Variants in FMNL1 observed in about 807,000 individuals in gnomAD.
FMNL1 encodes the protein formin-like protein 1.
A neutral mutation model predicts 121.3 loss-of-function variants in FMNL1; 43 were observed. The ratio of observed to expected loss-of-function variants is 0.35; its 90% confidence interval spans 0.28 to 0.46. FMNL1 has a LOEUF of 0.46. FMNL1 is among the 20% of genes least tolerant of loss of function. The pLI, the probability that FMNL1 is intolerant of heterozygous loss-of-function variation, is 1.00. For synonymous variants in FMNL1, 613 were observed against 613.5 expected (o/e 1.00, Z 0.01); for missense variants, 1,191 against 1,482.4 (o/e 0.80, Z 3.23).
chr17:45,222,106 C>G lies in FMNL1; in HGVS notation c.-19C>G, dbSNP rs1311636893. The G allele has an allele frequency of 1.7e-6, 2 of 1,149,356 alleles. No homozygotes were observed. Among genetic ancestry groups the G allele is most frequent in the African/African-American group, 3.3e-5 (2 of 61,044 alleles). 71.2% of individuals were successfully genotyped at this position (1,149,356 alleles called of 1,614,324 possible). On this transcript the variant is annotated 5_prime_UTR_variant, in exon 1 of 27. Coordinates refer to ENST00000331495, the MANE Select transcript of FMNL1 (RefSeq NM_005892.4). The stretch of plus-strand genomic sequence containing the variant: ...ATTTCCGAGGCTGGAGGCGCCTGGC[C>G]GGCTGGGTGGGGACCACCATGGGCA...
chr17:45,242,180 G>A (rs376475985), intron 15 of FMNL1, 34 bp downstream of exon 15: 756 of 1,526,404 alleles, frequency 5.0e-4, no homozygotes, highest in Non-Finnish European at 6.3e-4. Context: ...GCCCGGGGCT[G>A]GGGGGAGATG....
chr17:45,229,783 G>A (rs1157420563), intron 1 of FMNL1, among the ~76,000 whole-genome samples: 1 of 152,128 alleles, frequency 6.6e-6, no homozygotes, highest in East Asian at 1.9e-4. Context: ...TGTGGCCAGG[G>A]GAGGAGGACC....
intron 1 of FMNL1, among the ~76,000 whole-genome samples, chr17:45,226,154 A>G (rs2043324639): frequency 6.6e-6 from 1 of 152,194 alleles, no homozygotes; most frequent in Admixed American, 6.5e-5. Context: ...TATGCAGGTC[A>G]CCAGCAGTGG....
rs760997426 is a variant in FMNL1 at position 45,245,678 on chromosome 17, C to T, written c.2939C>T (p.Thr980Ile). Residue 980 changes from threonine to isoleucine, a missense_variant, in exon 23 of 27, where the codon ACC (threonine) becomes ATC (isoleucine). Physicochemically the swap from Thr to Ile is moderately conservative, Grantham distance 89. Coordinates refer to ENST00000331495, the MANE Select transcript of FMNL1 (RefSeq NM_005892.4). ...VVEYFGENPK[T>I]TSPGLFFSLF... ...GAGTACTTCGGAGAGAACCCCAAGACCACATCCCCAGGCCTGTTCTTCTCC... is the reference window on the plus strand; with the variant it reads ...GAGTACTTCGGAGAGAACCCCAAGATCACATCCCCAGGCCTGTTCTTCTCC... 1.9e-6 allele frequency: 3 copies of T among 1,614,144 alleles called. No homozygotes were observed. In the Admixed American group the frequency reaches 5.0e-5, roughly 27 times the overall value.
chr17:45,235,752 C>T lies in FMNL1; in HGVS notation c.615-384C>T, dbSNP rs115831881. Among the ~76,000 whole-genome samples, 855 of 152,238 alleles carry T rather than the reference C, an allele frequency of 5.6e-3. 13 individuals are homozygous for T. Among genetic ancestry groups the T allele is most frequent in the African/African-American group, 0.02 (828 of 41,526 alleles). Reference sequence around the variant, plus strand: ...GGATAGGGAGATTAAGTGACTTATCCAGTAAATGGTGAGCTGGGATGCGCC... The same window carrying T: ...GGATAGGGAGATTAAGTGACTTATCTAGTAAATGGTGAGCTGGGATGCGCC... On this transcript the variant is annotated intron_variant, in intron 6 of 26. Coordinates refer to ENST00000331495, the MANE Select transcript of FMNL1 (RefSeq NM_005892.4).
In FMNL1 at chr17:45,241,291, C is replaced by A; in HGVS notation, c.1332+61C>A. 6 of 1,610,388 alleles carry A rather than the reference C, an allele frequency of 3.7e-6. No homozygotes were observed. The highest frequency in any genetic ancestry group is 5.1e-6 in the Non-Finnish European group (6 of 1,178,226). ...GAACAGGCCAGCTGAGGCTTCTAGG[C>A]TTGACATCTCCCTCCACCCCGGGAA... On this transcript the variant is annotated intron_variant, in intron 13 of 26. Transcript: ENST00000331495. The surrounding 1 kb of genome is among the most constrained non-coding windows in gnomAD (Gnocchi z 7.0).
chr17:45,239,876 A>T (rs1216892549), intron 11 of FMNL1, among the ~76,000 whole-genome samples: 1 of 150,780 alleles, frequency 6.6e-6, no homozygotes, highest in Non-Finnish European at 1.5e-5. Flanking sequence ...GCTCACTGCA[A>T]CCTCTGCCTC....
Position 45,237,180 on chromosome 17 carries a change from G to T in FMNL1, c.724-101G>T. On this transcript the variant is annotated intron_variant, in intron 7 of 26. Coordinates refer to ENST00000331495, the MANE Select transcript of FMNL1 (RefSeq NM_005892.4). The surrounding 1 kb of genome is among the most constrained non-coding windows in gnomAD (Gnocchi z 4.4). Reference sequence around the variant, plus strand: ...CACAGAAGTTGCGGTTGGATACAAAGAACTTCCTAAACTCGAGGGCAGTTA... The same window carrying T: ...CACAGAAGTTGCGGTTGGATACAAATAACTTCCTAAACTCGAGGGCAGTTA... 9.2e-7 allele frequency: 1 copy of T among 1,081,134 alleles called. No individual in the cohort carries two copies. The highest frequency in any genetic ancestry group is 1.3e-5 in the South Asian group (1 of 75,490). The allele number at this position is 1,081,134 out of a possible 1,614,324, so 67.0% of individuals were successfully genotyped here.
chr17:45,243,828 C>G lies in FMNL1; in HGVS notation c.2251C>G (p.Leu751Val). Residue 751 changes from leucine (L) to valine (V), a missense_variant, in exon 18 of 27, where the codon CTG becomes GTG. Leu to Val is a conservative substitution (Grantham distance 32). Transcript: ENST00000331495. The part of the protein sequence containing the change: ...LQALGLDFLE[L>V]LMRFLPTEYE... ...GGCTCTGGGCCTGGACTTCCTGGAGCTGCTGATGCGCTTCCTGCCCACAGA... is the reference window on the plus strand; with the variant it reads ...GGCTCTGGGCCTGGACTTCCTGGAGGTGCTGATGCGCTTCCTGCCCACAGA... 1 of 1,613,266 alleles carries G rather than the reference C, an allele frequency of 6.2e-7. No homozygotes were observed. Among genetic ancestry groups the G allele is most frequent in the Non-Finnish European group, 8.5e-7 (1 of 1,179,544 alleles).
At chr17:45,242,594 A>G (rs963322799) in intron 16 of FMNL1, 129 bp downstream of exon 16, 1 of 1,398,494 alleles carries the variant, frequency 7.2e-7, no homozygotes. Context: ...AGGCCCAGGG[A>G]TGGGCATTAA....
In FMNL1 at chr17:45,243,260, T is replaced by G; in HGVS notation, c.2153T>G (p.Leu718Trp). ...TLIEANRAKN[L>W]AITLRKGNLG... ...ATTGAGGCCAACCGGGCCAAGAACT[T>G]GGCCATCACCCTGCGGAAGGGCAAC... Residue 718 changes from leucine to tryptophan, a missense_variant, in exon 17 of 27, where the codon TTG (leucine) becomes TGG (tryptophan). Leu to Trp is a moderately conservative substitution (Grantham distance 61). Coordinates refer to ENST00000331495, the MANE Select transcript of FMNL1 (RefSeq NM_005892.4). 1 of 1,614,058 alleles carries G rather than the reference T, an allele frequency of 6.2e-7. No homozygotes were observed. The highest frequency in any genetic ancestry group is 8.5e-7 in the Non-Finnish European group (1 of 1,179,986).
chr17:45,227,957 C>A (rs190025848), intron 1 of FMNL1, among the ~76,000 whole-genome samples: 292 of 152,256 alleles, frequency 1.9e-3, no homozygotes, highest in African/African-American at 6.5e-3. Flanking sequence ...TCCCTGCCCC[C>A]CTCAGGAGGC....
At position 45,236,181 on chromosome 17, in the gene FMNL1, C is replaced by T. The variant is rs751506418; in HGVS notation, c.660C>T (p.Ile220=). 3.7e-6 allele frequency: 6 copies of T among 1,613,856 alleles called. No individual in the cohort carries two copies. The highest frequency in any genetic ancestry group is 1.7e-5 in the Admixed American group (1 of 60,028). ...GGAAGGCCCTGCGGAATTCCCGCATCGTCAGCCAGAAGGACGACGTCCACG... is the reference window on the plus strand; with the variant it reads ...GGAAGGCCCTGCGGAATTCCCGCATTGTCAGCCAGAAGGACGACGTCCACG... The part of the protein sequence containing the change: ...HSRKALRNSR[I]VSQKDDVHVC... Residue 220 remains isoleucine (I), a synonymous_variant, in exon 7 of 27, where the codon ATC becomes ATT. Transcript: ENST00000331495.
Position 45,233,522 on chromosome 17 carries a change from C to G in FMNL1, c.402-126C>G. The G allele has an allele frequency of 8.7e-7, 1 of 1,145,474 alleles. No homozygotes were observed. Among genetic ancestry groups the G allele is most frequent in the South Asian group, 1.4e-5 (1 of 69,770 alleles). 71.0% of individuals were successfully genotyped at this position (1,145,474 alleles called of 1,614,324 possible). On this transcript the variant is annotated intron_variant, in intron 4 of 26. Coordinates refer to ENST00000331495, the MANE Select transcript of FMNL1 (RefSeq NM_005892.4). The surrounding 1 kb of genome is among the most constrained non-coding windows in gnomAD (Gnocchi z 4.1). ...GGGACCCACCTGAGTCTCCCAGAAT[C>G]CTTTGGTATCATTGGGTCTTTGGGG...
chr17:45,239,804 C>CTTTTT lies in FMNL1; in HGVS notation c.1081-667_1081-663dup, dbSNP rs113701881. Among the ~76,000 whole-genome samples, 5 of 146,910 alleles carry CTTTTT rather than the reference C, an allele frequency of 3.4e-5. 1 individual carries two copies. The highest frequency in any genetic ancestry group is 6.0e-5 in the Non-Finnish European group (4 of 67,144). ...CAAAAGGTCACGTACTCTATGATTG[C>CTTTTT]TTTTTTTTTGAGATGGAGTCTTGCT... On this transcript the variant is annotated intron_variant, in intron 11 of 26. Transcript: ENST00000331495.
rs369408882 is a variant in FMNL1, at chr17:45,237,516, C to T, written c.801-30C>T. On this transcript the variant is annotated intron_variant, in intron 8 of 26. Transcript: ENST00000331495. This position sits in a 1 kb window ranked among gnomAD's most constrained non-coding sequence, Gnocchi z 4.4. ...CCTTGCCGCGGGTCCTGCCTGTTCT[C>T]AAGGGACAACCTGCCCCTTCTCTCT... The T allele has an allele frequency of 1.0e-4, 166 of 1,613,550 alleles. No homozygotes were observed. In the African/African-American group the frequency reaches 2.0e-3, roughly 19 times the overall value.
Position 45,234,408 on chromosome 17 carries a change from T to G in FMNL1, c.614+208T>G, listed in dbSNP as rs1840529836. 4.0e-6 allele frequency: 3 copies of G among 742,550 alleles called. No individual in the cohort carries two copies. In the Admixed American group the frequency reaches 7.3e-5, roughly 18 times the overall value. The allele number at this position is 742,550 out of a possible 1,614,324, so 46.0% of individuals were successfully genotyped here. A position where few individuals can be genotyped will look rare whatever the true frequency, so the allele number is the denominator to read the frequency against. On this transcript the variant is annotated intron_variant, in intron 6 of 26. Transcript: ENST00000331495. The stretch of plus-strand genomic sequence containing the variant: ...GGCTGGGTGCTGTGGCTCATGCCTG[T>G]AATCCCAGCACTTTGGGAGACTGAG...
In FMNL1 at chr17:45,233,110, G is replaced by A; in HGVS notation, c.328-114G>A. Reference sequence around the variant, plus strand: ...GTGGTGGGGGAGGCTGAGCATGAAAGGCCACTTGTGCCAGTTGGAGGAGGG... The same window carrying A: ...GTGGTGGGGGAGGCTGAGCATGAAAAGCCACTTGTGCCAGTTGGAGGAGGG... On this transcript the variant is annotated intron_variant, in intron 3 of 26. Transcript: ENST00000331495. This position sits in a 1 kb window ranked among gnomAD's most constrained non-coding sequence, Gnocchi z 4.1. The A allele has an allele frequency of 9.8e-7, 1 of 1,018,822 alleles. No homozygotes were observed. Among genetic ancestry groups the A allele is most frequent in the South Asian group, 1.4e-5 (1 of 72,966 alleles). 63.1% of individuals were successfully genotyped at this position (1,018,822 alleles called of 1,614,324 possible).
rs1323122554 is a variant in FMNL1 at position 45,241,664 on chromosome 17, G to A, written c.1585+30G>A. The A allele has an allele frequency of 1.4e-6, 2 of 1,471,886 alleles. No individual in the cohort carries two copies. Among genetic ancestry groups the A allele is most frequent in the African/African-American group, 2.8e-5 (2 of 71,218 alleles). 91.2% of individuals were successfully genotyped at this position (1,471,886 alleles called of 1,614,324 possible). On this transcript the variant is annotated intron_variant, in intron 14 of 26. Coordinates refer to ENST00000331495, the MANE Select transcript of FMNL1 (RefSeq NM_005892.4). The surrounding 1 kb of genome is among the most constrained non-coding windows in gnomAD (Gnocchi z 7.0). ...GCAGGAGCTTCAGGCTGGCGGGGAT[G>A]CGGGGCAGGGTCTGGAGGGGAGCCC...
Sources: allele counts gnomAD v4.1 joint callset (sites outside exome capture counted in the v4.1 genomes callset), GRCh38; gene constraint gnomAD v4.1.1; non-coding constraint Gnocchi (gnomAD v3.1); transcripts MANE v1.5; gene names NCBI Gene and HGNC (gene_info 2026-07-23, HGNC 2026-07-21).